DHX32: variants seen among roughly 807,000 people sequenced by gnomAD.
DHX32 encodes the protein DEAH-box helicase 32 (putative), also known as putative pre-mRNA-splicing factor ATP-dependent RNA helicase DHX32.
A neutral mutation model predicts 70.0 loss-of-function variants in DHX32; 51 were observed. The ratio of observed to expected loss-of-function variants is 0.73; its 90% CI spans 0.58 to 0.92. The LOEUF (loss-of-function observed/expected upper bound fraction) is 0.92, where lower values mean the gene tolerates loss of function less well. Ranked by LOEUF, DHX32 falls within the 40% of genes least tolerant of loss-of-function variation. The pLI, the probability that DHX32 is intolerant of heterozygous loss-of-function variation, is 0.00. For missense variants in DHX32, 762 were observed against 891.8 expected (o/e 0.85, Z 1.85); for synonymous variants, 310 against 315.3 (o/e 0.98, Z 0.18).
At chr10:125,840,708 G>A (rs1299763912) in intron 8 of DHX32, 139 bp downstream of exon 8, 8 of 933,732 alleles carry the variant, frequency 8.6e-6, no homozygotes, top group Middle Eastern at 3.4e-4. Flanking sequence ...CTGTGGGTGC[G>A]TTTAGGGCCT....
intron 2 of DHX32, among the ~76,000 whole-genome samples, chr10:125,861,748 T>G (rs959546793): frequency 7.9e-5 from 12 of 152,210 alleles, no homozygotes; most frequent in Non-Finnish European, 4.4e-5. Context: ...CCTGGGTTCC[T>G]GTAAACTTCG....
Position 125,866,579 on chromosome 10 carries a change from C to A in DHX32, c.476+411G>T, listed in dbSNP as rs775714033. 6.6e-6 allele frequency among the ~76,000 whole-genome samples: 1 copy of A among 152,166 alleles called. No individual in the cohort carries two copies. The highest frequency in any genetic ancestry group is 1.5e-5 in the Non-Finnish European group (1 of 68,036). ...TACTGAGTGACTAGGAGGAACTAGC[C>A]GGGCCCGGACATGCTGAGCACAGGG... On this transcript the variant is annotated intron_variant, in intron 2 of 10. Transcript: ENST00000284690. This position sits in a 1 kb window ranked among gnomAD's most constrained non-coding sequence, Gnocchi z 4.8.
intron 1 of DHX32, among the ~76,000 whole-genome samples, chr10:125,867,485 C>A (rs1284465365): frequency 2.6e-5 from 4 of 152,054 alleles, no homozygotes; most frequent in Non-Finnish European, 4.4e-5. Flanking sequence ...GCCTGTAATC[C>A]CAGCACTTTG....
chr10:125,859,136 C>T (rs1944168470), intron 3 of DHX32, among the ~76,000 whole-genome samples: 1 of 151,620 alleles, frequency 6.6e-6, no homozygotes, highest in African/African-American at 2.4e-5. Context: ...GCCCATACTC[C>T]ACTGACTATC....
chr10:125,849,329 C>T (rs904556993), intron 6 of DHX32, among the ~76,000 whole-genome samples: 1 of 152,192 alleles, frequency 6.6e-6, no homozygotes, highest in Non-Finnish European at 1.5e-5. Context: ...TAAAGGGCTT[C>T]AGGAGCCAAA....
chr10:125,844,385 C>G (rs1046118871), intron 6 of DHX32, among the ~76,000 whole-genome samples: 1 of 152,252 alleles, frequency 6.6e-6, no homozygotes, highest in African/African-American at 2.4e-5. Context: ...CAGCCAGGCT[C>G]TGTCCCCAAA....
intron 6 of DHX32, among the ~76,000 whole-genome samples, chr10:125,850,476 GC>G (rs1255464321): frequency 6.7e-6 from 1 of 150,316 alleles, no homozygotes; most frequent in African/African-American, 2.5e-5. Context: ...TCCTGCCTCA[GC>G]CTCCCAAGTA....
chr10:125,859,542 T>C (rs1944171932), intron 3 of DHX32, 61 bp downstream of exon 3: 2 of 1,502,454 alleles, frequency 1.3e-6, no homozygotes, highest in Non-Finnish European at 1.8e-6. Context: ...GTATGTTAGT[T>C]ATTAAAAGCT....
At chr10:125,886,550 C>A (rs1168080743) in intron 1 of DHX32, among the ~76,000 whole-genome samples, 1 of 152,304 alleles carries the variant, frequency 6.6e-6, no homozygotes, top group Non-Finnish European at 1.5e-5. Flanking sequence ...ATCAGGAATT[C>A]ACTATGTTTC....
intron 6 of DHX32, among the ~76,000 whole-genome samples, chr10:125,851,683 C>A (rs1396334796): frequency 6.6e-6 from 1 of 152,056 alleles, no homozygotes; most frequent in African/African-American, 2.4e-5. Context: ...ATATTTTGAG[C>A]TGGTTATTCT....
intron 1 of DHX32, among the ~76,000 whole-genome samples, chr10:125,872,302 A>G (rs544591276): frequency 1.3e-5 from 2 of 152,298 alleles, no homozygotes; most frequent in African/African-American, 4.8e-5. Context: ...CCTAGTATTA[A>G]AAAACATTAT....
chr10:125,838,885 T>C, intron 9 of DHX32, 116 bp downstream of exon 9: 3 of 1,202,474 alleles, frequency 2.5e-6, no homozygotes, highest in Non-Finnish European at 3.5e-6. Flanking sequence ...AATAATAACA[T>C]GGATTTTTAG....
chr10:125,857,498 T>C (rs1409022539), intron 3 of DHX32, among the ~76,000 whole-genome samples: 1 of 152,198 alleles, frequency 6.6e-6, no homozygotes, highest in African/African-American at 2.4e-5. Flanking sequence ...CTCTGGTAGC[T>C]TTCATGGCAC....
chr10:125,850,503 A>G (rs902832265), intron 6 of DHX32, among the ~76,000 whole-genome samples: 3 of 151,890 alleles, frequency 2.0e-5, no homozygotes, highest in African/African-American at 2.4e-5. Context: ...GATTACAGGC[A>G]TGCACTACCA....
intron 7 of DHX32, 129 bp downstream of exon 7, chr10:125,841,614 A>G: frequency 6.8e-7 from 1 of 1,462,826 alleles, no homozygotes; most frequent in African/African-American, 1.4e-5. Context: ...CTATCATTTC[A>G]AAAGGTTAAA....
rs773988110 is a variant in DHX32, at chr10:125,836,613, G to T, written c.*74C>A. The T allele has an allele frequency of 2.5e-5, 38 of 1,537,828 alleles. No homozygotes were observed. Among genetic ancestry groups the T allele is most frequent in the Non-Finnish European group, 3.1e-5 (35 of 1,134,514 alleles). On this transcript the variant is annotated 3_prime_UTR_variant, in exon 11 of 11. Transcript: ENST00000284690. Reference sequence around the variant, plus strand: ...GATGTGAAATCCGTCTTCGCGTCATGTATCTCCCATATCCAGCAGTTCAGC... The same window carrying T: ...GATGTGAAATCCGTCTTCGCGTCATTTATCTCCCATATCCAGCAGTTCAGC...
rs1049494260 is a variant in DHX32, at chr10:125,839,262, G to A, written c.1694-74C>T. On this transcript the variant is annotated intron_variant, in intron 8 of 10. Coordinates refer to ENST00000284690, the MANE Select transcript of DHX32 (RefSeq NM_018180.3). ...TCTGAAGAGCCCAGGCCAGGCAGTTGCCATCTTTAAGCCCTGTGCTCTCCT... is the reference window on the plus strand; with the variant it reads ...TCTGAAGAGCCCAGGCCAGGCAGTTACCATCTTTAAGCCCTGTGCTCTCCT... The A allele has an allele frequency of 6.7e-6, 10 of 1,493,180 alleles. No individual in the cohort carries two copies. In the African/African-American group the frequency reaches 8.3e-5, roughly 12 times the overall value. The allele number at this position is 1,493,180 out of a possible 1,614,324, so 92.5% of individuals were successfully genotyped here.
chr10:125,894,043 C>T (rs930450538), intron 1 of DHX32, among the ~76,000 whole-genome samples: 1 of 152,220 alleles, frequency 6.6e-6, no homozygotes, highest in Non-Finnish European at 1.5e-5. Flanking sequence ...TAAACATCAG[C>T]AAAGTAAACA....
chr10:125,882,804 A>G (rs1388688550), upstream of DHX32, among the ~76,000 whole-genome samples: 1 of 152,238 alleles, frequency 6.6e-6, no homozygotes, highest in African/African-American at 2.4e-5. Flanking sequence ...GCTTGAGATC[A>G]TCGCACAAGC....
Sources: gnomAD v4.1 joint callset for allele counts (sites outside exome capture counted in the v4.1 genomes callset) on GRCh38, gnomAD v4.1.1 for gene constraint, Gnocchi (gnomAD v3.1) non-coding constraint, MANE v1.5 for transcripts, NCBI Gene and HGNC (gene_info 2026-07-23, HGNC 2026-07-21) for gene names.